RBFOX1: variants seen among roughly 807,000 people sequenced by gnomAD.
RBFOX1 encodes RNA binding protein fox-1 homolog 1.
RBFOX1 carries 8 observed loss-of-function variants against 57.7 expected under a neutral mutation model. The ratio of observed to expected loss-of-function variants is 0.14; its 90% CI spans 0.08 to 0.25. RBFOX1 has a LOEUF of 0.25. Among genes scored for constraint, RBFOX1 ranks in the 10% least tolerant of loss-of-function variants. RBFOX1 has a pLI of 1.00. For missense variants in RBFOX1, 611 were observed against 548.5 expected (o/e 1.11, Z -1.14); for synonymous variants, 326 against 222.4 (o/e 1.47, Z -4.15).
intron 3 of RBFOX1, among the ~76,000 whole-genome samples, chr16:6,852,859 T>G (rs953896243): frequency 2.0e-5 from 3 of 152,066 alleles, no homozygotes; most frequent in Non-Finnish European, 4.4e-5. Flanking sequence ...TGGGAACTGC[T>G]GTCCAGGTGA....
intron 3 of RBFOX1, among the ~76,000 whole-genome samples, chr16:5,644,558 C>G (rs1007466830): frequency 1.3e-5 from 2 of 152,206 alleles, no homozygotes; most frequent in Non-Finnish European, 2.9e-5. Context: ...AGATACATTG[C>G]AGGAACTCAG....
chr16:7,466,953 T>G (rs1437781079), intron 4 of RBFOX1, among the ~76,000 whole-genome samples: 1 of 152,178 alleles, frequency 6.6e-6, no homozygotes, highest in Non-Finnish European at 1.5e-5. Context: ...AACACATATT[T>G]ACAGAGCACC....
chr16:7,310,295 T>A (rs966124203), intron 4 of RBFOX1, among the ~76,000 whole-genome samples: 2 of 152,200 alleles, frequency 1.3e-5, no homozygotes, highest in African/African-American at 4.8e-5. Flanking sequence ...GTGGTTGGAA[T>A]GTCCTGGCTC....
At chr16:7,038,948 G>T (rs921661483) in intron 3 of RBFOX1, among the ~76,000 whole-genome samples, 6 of 152,168 alleles carry the variant, frequency 3.9e-5, no homozygotes, top group African/African-American at 1.2e-4. Flanking sequence ...CCTTTAATCA[G>T]ATAACCAACA....
Position 5,800,314 on chromosome 16 carries a change from C to G in RBFOX1, c.319-66989C>G, listed in dbSNP as rs2055016461. On this transcript the variant is annotated intron_variant, in intron 3 of 19. Coordinates refer to the RBFOX1 transcript ENST00000641259. ...CCCATAGTCCATTTCGTTACTCATG[C>G]ATAACCATGCACATTATGATGTGAC... Among the ~76,000 whole-genome samples, 3 of 152,160 alleles carry G rather than the reference C, an allele frequency of 2.0e-5. 1 individual carries two copies. The highest frequency in any genetic ancestry group is 7.2e-5 in the African/African-American group (3 of 41,416).
chr16:6,597,373 C>T (rs999438241), intron 2 of RBFOX1, among the ~76,000 whole-genome samples: 2 of 151,992 alleles, frequency 1.3e-5, no homozygotes, highest in East Asian at 1.9e-4. Context: ...ATCCTAGCCT[C>T]CTTTAAAACC....
At chr16:6,333,638 A>G (rs1049451373) in intron 2 of RBFOX1, among the ~76,000 whole-genome samples, 6 of 152,194 alleles carry the variant, frequency 3.9e-5, no homozygotes, top group Admixed American at 3.9e-4. Context: ...AAATATATAT[A>G]TCAGAAATGG....
intron 3 of RBFOX1, among the ~76,000 whole-genome samples, chr16:6,752,361 G>T (rs1016987909): frequency 6.6e-6 from 1 of 152,154 alleles, no homozygotes; most frequent in Non-Finnish European, 1.5e-5. Flanking sequence ...TAATTAATAT[G>T]CTGTGTCCAT....
chr16:7,370,315 C>T (rs2097543582), intron 4 of RBFOX1, among the ~76,000 whole-genome samples: 1 of 152,118 alleles, frequency 6.6e-6, no homozygotes, highest in Non-Finnish European at 1.5e-5. Context: ...GACATGTTAT[C>T]TAGGTTGGTC....
chr16:7,365,082 TATCTATCCATCC>T (rs936761253), intron 4 of RBFOX1, among the ~76,000 whole-genome samples: 8 of 152,230 alleles, frequency 5.3e-5, no homozygotes, highest in African/African-American at 1.7e-4. Flanking sequence ...TCTATCTATC[TATCTATCCATCC>T]ATCTATCCAT....
chr16:6,898,458 C>G (rs1056164266), intron 3 of RBFOX1, among the ~76,000 whole-genome samples: 4 of 152,122 alleles, frequency 2.6e-5, no homozygotes, highest in Non-Finnish European at 5.9e-5. Flanking sequence ...TCAGCTCTAT[C>G]AATTATTTAA....
At chr16:6,896,963 G>A (rs2067084724) in intron 3 of RBFOX1, among the ~76,000 whole-genome samples, 1 of 152,194 alleles carries the variant, frequency 6.6e-6, no homozygotes, top group Non-Finnish European at 1.5e-5. Flanking sequence ...GAATGCAGCT[G>A]ACAGGCCGTC....
intron 3 of RBFOX1, among the ~76,000 whole-genome samples, chr16:5,734,215 G>A (rs1597023725): frequency 2.0e-5 from 3 of 152,134 alleles, no homozygotes; most frequent in African/African-American, 4.8e-5. Flanking sequence ...TGCAATCTTA[G>A]CGCTTTGAGA....
At chr16:7,315,462 C>A (rs4491517) in intron 4 of RBFOX1, among the ~76,000 whole-genome samples, 6 of 148,154 alleles carry the variant, frequency 4.0e-5, no homozygotes, top group African/African-American at 1.0e-4. Context: ...CCCTACCCCC[C>A]CCCCCATACT....
intron 3 of RBFOX1, among the ~76,000 whole-genome samples, chr16:5,715,196 TTG>T (rs1031745303): frequency 6.6e-6 from 1 of 152,250 alleles, no homozygotes; most frequent in African/African-American, 2.4e-5. Context: ...ATATACCCTG[TTG>T]TGTGTGTTTT....
At chr16:7,177,245 A>G (rs2081859672) in intron 4 of RBFOX1, among the ~76,000 whole-genome samples, 1 of 152,176 alleles carries the variant, frequency 6.6e-6, no homozygotes, top group South Asian at 2.1e-4. Context: ...CTCCTTATCT[A>G]GCTTGATTGT....
intron 4 of RBFOX1, among the ~76,000 whole-genome samples, chr16:7,274,334 G>A (rs753897662): frequency 5.9e-5 from 9 of 152,258 alleles, no homozygotes; most frequent in East Asian, 1.9e-4. Context: ...ATTCTTGAGA[G>A]AACTGAAATT....
intron 4 of RBFOX1, among the ~76,000 whole-genome samples, chr16:7,458,130 A>C (rs1425104177): frequency 6.6e-6 from 1 of 152,002 alleles, no homozygotes; most frequent in African/African-American, 2.4e-5. Context: ...TAAGTTGCCA[A>C]CTCACTGGAC....
intron 1 of RBFOX1, among the ~76,000 whole-genome samples, chr16:5,391,750 G>A (rs1021515488): frequency 3.3e-5 from 5 of 151,738 alleles, no homozygotes; most frequent in Non-Finnish European, 7.4e-5. Context: ...TTCATATCTA[G>A]ATTTCCTTTC....
Sources: allele counts gnomAD v4.1 joint callset (sites outside exome capture counted in the v4.1 genomes callset), GRCh38; gene constraint gnomAD v4.1.1; transcripts MANE v1.5; gene names NCBI Gene and HGNC (gene_info 2026-07-23, HGNC 2026-07-21).